GCH1: variants seen among roughly 807,000 people sequenced by gnomAD.
GCH1 encodes GTP cyclohydrolase 1.
Under a neutral mutation model 25.9 loss-of-function variants are expected in GCH1, and 5 were observed. That is an observed-to-expected ratio of 0.19 (90% CI 0.10 to 0.41). The LOEUF (loss-of-function observed/expected upper bound fraction) is 0.41. Ranked by LOEUF, GCH1 falls within the 10% of genes least tolerant of loss-of-function variation. The pLI is 1.00. For missense variants in GCH1, 261 were observed against 336.5 expected, an observed-to-expected ratio of 0.78 and a Z score of 1.75; for synonymous variants, 159 against 129.6, an observed-to-expected ratio of 1.23 and a Z score of -1.54.
intron 1 of GCH1, among the ~76,000 whole-genome samples, chr14:54,880,025 C>A (rs957415154): frequency 2.0e-5 from 3 of 149,048 alleles, no homozygotes; most frequent in Admixed American, 6.7e-5. Flanking sequence ...GAAAGCAATC[C>A]CAGCTACTCA....
intron 1 of GCH1, among the ~76,000 whole-genome samples, chr14:54,871,953 T>C (rs1209913160): frequency 6.6e-6 from 1 of 152,128 alleles, no homozygotes; most frequent in African/African-American, 2.4e-5. Flanking sequence ...ACTTCCCCAA[T>C]CTAGCAAGGC....
chr14:54,885,556 G>C (rs2040339991), intron 1 of GCH1: 1 of 383,552 alleles, frequency 2.6e-6, no homozygotes, highest in South Asian at 2.3e-5. Flanking sequence ...CCCCCAGCAA[G>C]GTGAGGGATG....
chr14:54,845,376 G>T (rs1399004948), intron 5 of GCH1, among the ~76,000 whole-genome samples: 1 of 151,406 alleles, frequency 6.6e-6, no homozygotes, highest in East Asian at 1.9e-4. Context: ...TACTCGGGAG[G>T]CTGAGGCAGG....
intron 2 of GCH1, among the ~76,000 whole-genome samples, chr14:54,863,262 A>G (rs2140070570): frequency 6.6e-6 from 1 of 151,822 alleles, no homozygotes; most frequent in Non-Finnish European, 1.5e-5. Context: ...TACTAAAAAT[A>G]CAACAACAAA....
At chr14:54,871,504 C>T (rs1366420990) in intron 1 of GCH1, among the ~76,000 whole-genome samples, 5 of 152,180 alleles carry the variant, frequency 3.3e-5, no homozygotes, top group African/African-American at 1.2e-4. Flanking sequence ...CGGAGAATGA[C>T]TTTGACGAAT....
chr14:54,845,408 G>A (rs2039626756), intron 5 of GCH1, among the ~76,000 whole-genome samples: 1 of 151,684 alleles, frequency 6.6e-6, no homozygotes, highest in South Asian at 2.1e-4. Context: ...AACCCGGGAG[G>A]TGGAGGTTGC....
intron 2 of GCH1, among the ~76,000 whole-genome samples, chr14:54,864,889 G>C (rs1342666117): frequency 6.6e-6 from 1 of 152,128 alleles, no homozygotes; most frequent in Non-Finnish European, 1.5e-5. Flanking sequence ...TCTGTCACAA[G>C]AAATTCTGCA....
At chr14:54,886,746 C>T (rs973660871) in intron 1 of GCH1, among the ~76,000 whole-genome samples, 3 of 152,026 alleles carry the variant, frequency 2.0e-5, no homozygotes, top group African/African-American at 4.8e-5. Context: ...AGATTTTGAC[C>T]CATCTTCTGA....
At chr14:54,876,822 C>G (rs2040168889) in intron 1 of GCH1, among the ~76,000 whole-genome samples, 1 of 151,950 alleles carries the variant, frequency 6.6e-6, no homozygotes, top group Non-Finnish European at 1.5e-5. Flanking sequence ...AATTCAGAAG[C>G]TAGTAAAAAT....
At chr14:54,887,729 C>T (rs1199808174) in intron 1 of GCH1, among the ~76,000 whole-genome samples, 1 of 152,026 alleles carries the variant, frequency 6.6e-6, no homozygotes, top group Non-Finnish European at 1.5e-5. Flanking sequence ...GACATTTCAC[C>T]TCTAAATACA....
rs1441323707 is a variant in GCH1 at position 54,865,442 on chromosome 14, A to T, written c.344-6T>A. 1 of 1,371,262 alleles carries T rather than the reference A, an allele frequency of 7.3e-7. No individual in the cohort carries two copies. The highest frequency in any genetic ancestry group is 1.0e-6 in the Non-Finnish European group (1 of 959,816). The allele number at this position is 1,371,262 out of a possible 1,614,324, so 84.9% of individuals were successfully genotyped here. Reference sequence around the variant, plus strand: ...TATAGCATCGTTTAGGACATCTGAAATCAGAGGCTTGCTTTAGTAACATGT... The same window carrying T: ...TATAGCATCGTTTAGGACATCTGAATTCAGAGGCTTGCTTTAGTAACATGT... On this transcript the variant is annotated splice_polypyrimidine_tract_variant and splice_region_variant and intron_variant, in intron 1 of 5. Transcript: ENST00000491895.
intron 1 of GCH1, among the ~76,000 whole-genome samples, chr14:54,876,626 T>G (rs59750960): frequency 0.21 from 32,151 of 152,030 alleles, 3,481 homozygotes; most frequent in African/African-American, 0.24. Flanking sequence ...ATTACACCAC[T>G]GCATTCCAGC....
At chr14:54,870,335 CAAA>C (rs561453897) in intron 1 of GCH1, among the ~76,000 whole-genome samples, 3,087 of 66,720 alleles carry the variant, frequency 0.046, 39 homozygotes, top group African/African-American at 0.11. Context: ...CTGTTTTTAC[CAAA>C]AAAAAAAAAA....
In GCH1 at chr14:54,890,716, T is replaced by C. The variant is rs184224533; in HGVS notation, c.343+11605A>G. Among the ~76,000 whole-genome samples the C allele has an allele frequency of 3.3e-4, 51 of 152,350 alleles. 1 individual carries two copies. Among genetic ancestry groups the C allele is most frequent in the Non-Finnish European group, 6.9e-4 (47 of 68,034 alleles). On this transcript the variant is annotated intron_variant, in intron 1 of 5. Transcript: ENST00000491895. The stretch of plus-strand genomic sequence containing the variant: ...TAATTTTAACTCTGGTACAGGTAAC[T>C]ATGAATGTTAGTGTATGCCTTTTAT...
At position 54,866,115 on chromosome 14, in the gene GCH1, T is replaced by TA. The variant is rs778878999; in HGVS notation, c.344-680dup. 4.4e-3 allele frequency among the ~76,000 whole-genome samples: 612 copies of TA among 139,194 alleles called. 1 individual carries two copies. Among genetic ancestry groups the TA allele is most frequent in the East Asian group, 0.015 (72 of 4,880 alleles). 91.3% of individuals were successfully genotyped at this position (139,194 alleles called of 152,430 possible). A position where few individuals can be genotyped will look rare whatever the true frequency, so the allele number is the denominator to read the frequency against. On this transcript the variant is annotated intron_variant, in intron 1 of 5. Coordinates refer to ENST00000491895, the MANE Select transcript of GCH1 (RefSeq NM_000161.3). Reference sequence around the variant, plus strand: ...TTCCAGCCAGACATACAATAGACATTAAAAAAAAAAAAAGCTTTATTTTTA... The same window carrying TA: ...TTCCAGCCAGACATACAATAGACATTAAAAAAAAAAAAAAGCTTTATTTTTA...
chr14:54,878,157 G>A (rs1439970080), intron 1 of GCH1: 3 of 154,714 alleles, frequency 1.9e-5, no homozygotes, highest in Non-Finnish European at 4.4e-5. Flanking sequence ...TCCTCAAAAG[G>A]AAATTTCTGT....
chr14:54,865,042 C>CA (rs56813558), intron 2 of GCH1, among the ~76,000 whole-genome samples: 4 of 145,720 alleles, frequency 2.7e-5, no homozygotes, highest in South Asian at 2.2e-4. Flanking sequence ...GTAGTAGCTA[C>CA]AAAAAAAAAA....
intron 3 of GCH1, among the ~76,000 whole-genome samples, chr14:54,857,721 T>G (rs1426138039): frequency 5.9e-5 from 9 of 152,216 alleles, no homozygotes. Context: ...GACATGAAAT[T>G]GGTTTAATAC....
chr14:54,890,979 T>A (rs376512145), intron 1 of GCH1, among the ~76,000 whole-genome samples: 1 of 152,200 alleles, frequency 6.6e-6, no homozygotes, highest in East Asian at 1.9e-4. Context: ...GTTTCCCCTT[T>A]AACAGTGACT....
Sources: gnomAD v4.1 joint callset for allele counts (sites outside exome capture counted in the v4.1 genomes callset) on GRCh38, gnomAD v4.1.1 for gene constraint, MANE v1.5 for transcripts, NCBI Gene and HGNC (gene_info 2026-07-23, HGNC 2026-07-21) for gene names.